The following EFNA5 variants were observed in gnomAD, a reference collection of about 807,000 sequenced individuals.
The protein encoded by EFNA5 is ephrin A5, also known as ephrin-A5.
A neutral mutation model predicts 22.9 loss-of-function variants in EFNA5; 5 were observed. That is an observed-to-expected ratio of 0.22 (90% CI 0.11 to 0.46). EFNA5 has a LOEUF of 0.46. Among genes scored for constraint, EFNA5 ranks in the 20% least tolerant of loss-of-function variants. The pLI is 0.99. For missense variants in EFNA5, 237 were observed against 293.3 expected (o/e 0.81, Z 1.40); for synonymous variants, 113 against 112.2 (o/e 1.01, Z -0.04).
chr5:107,481,125 T>G lies in EFNA5; in HGVS notation c.126-53616A>C, dbSNP rs539874892. Among the ~76,000 whole-genome samples, 16 of 152,232 alleles carry G rather than the reference T, an allele frequency of 1.1e-4. No homozygotes were observed. The South Asian group carries it at 2.9e-3, about 28-fold the overall frequency. On this transcript the variant is annotated intron_variant, in intron 1 of 4. Coordinates refer to ENST00000333274, the MANE Select transcript of EFNA5 (RefSeq NM_001962.3). ...TGTGCAGCAAGCAACAGGGTAAAGTTAGACTCTCCTGCTGACAGGCAAAAG... is the reference window on the plus strand; with the variant it reads ...TGTGCAGCAAGCAACAGGGTAAAGTGAGACTCTCCTGCTGACAGGCAAAAG...
chr5:107,523,762 T>C (rs1747642133), intron 1 of EFNA5, among the ~76,000 whole-genome samples: 1 of 152,212 alleles, frequency 6.6e-6, no homozygotes, highest in Admixed American at 6.5e-5. Context: ...AAATCAGACT[T>C]TCCTTCTTCT....
chr5:107,583,678 C>G (rs10479401), intron 1 of EFNA5, among the ~76,000 whole-genome samples: 3 of 151,960 alleles, frequency 2.0e-5, no homozygotes, highest in African/African-American at 7.3e-5. Flanking sequence ...CATAATGGGA[C>G]GTCAGCACTG....
chr5:107,492,217 C>G (rs977431463), intron 1 of EFNA5, among the ~76,000 whole-genome samples: 1 of 152,050 alleles, frequency 6.6e-6, no homozygotes, highest in Non-Finnish European at 1.5e-5. Context: ...ATTATTCAGT[C>G]TTATAAAGTT....
chr5:107,610,909 G>A (rs72791852), intron 1 of EFNA5, among the ~76,000 whole-genome samples: 2 of 152,212 alleles, frequency 1.3e-5, no homozygotes, highest in African/African-American at 2.4e-5. Flanking sequence ...CGCAGGTTTC[G>A]ATCTTTGCTA....
At position 107,598,690 on chromosome 5, in the gene EFNA5, A is replaced by C. The variant is rs554065715; in HGVS notation, c.125+71799T>G. On this transcript the variant is annotated intron_variant, in intron 1 of 4. Transcript: ENST00000333274. ...AATTCAGAATCAGAATTATGAACTC[A>C]GACCAGTATACTATGACACTAATTT... Among the ~76,000 whole-genome samples, 426 of 152,342 alleles carry C rather than the reference A, an allele frequency of 2.8e-3. 3 individuals are homozygous for C. In the Middle Eastern group the frequency reaches 0.031, roughly 11 times the overall value.
chr5:107,390,534 A>C (rs370864847), intron 2 of EFNA5, among the ~76,000 whole-genome samples: 2 of 152,274 alleles, frequency 1.3e-5, no homozygotes, highest in African/African-American at 4.8e-5. Flanking sequence ...CAATAGATAG[A>C]GCTGAGGATG....
chr5:107,448,185 C>G (rs748341303), intron 1 of EFNA5, among the ~76,000 whole-genome samples: 2 of 152,204 alleles, frequency 1.3e-5, no homozygotes, highest in African/African-American at 2.4e-5. Flanking sequence ...AGAAGACAGA[C>G]TGGATGGAGA....
chr5:107,480,072 A>G (rs1473467548), intron 1 of EFNA5, among the ~76,000 whole-genome samples: 1 of 152,216 alleles, frequency 6.6e-6, no homozygotes, highest in Non-Finnish European at 1.5e-5. Flanking sequence ...ACCTGCTTAT[A>G]TAAGTAAAAA....
chr5:107,634,003 T>A (rs1315583986), intron 1 of EFNA5, among the ~76,000 whole-genome samples: 1 of 152,172 alleles, frequency 6.6e-6, no homozygotes, highest in African/African-American at 2.4e-5. Flanking sequence ...AGAAAAGACA[T>A]AGTTTCATGT....
At chr5:107,430,597 C>T (rs1748921734) in intron 1 of EFNA5, among the ~76,000 whole-genome samples, 1 of 152,016 alleles carries the variant, frequency 6.6e-6, no homozygotes, top group Non-Finnish European at 1.5e-5. Context: ...AACTCTTACC[C>T]CTGTTAATGT....
chr5:107,653,181 G>A (rs1332938705), intron 1 of EFNA5, among the ~76,000 whole-genome samples: 6 of 152,004 alleles, frequency 3.9e-5, no homozygotes, highest in Admixed American at 2.6e-4. Context: ...ATCTCCTTGA[G>A]AAGACAGCAT....
At chr5:107,518,244 C>G (rs1011183173) in intron 1 of EFNA5, among the ~76,000 whole-genome samples, 1 of 142,400 alleles carries the variant, frequency 7.0e-6, no homozygotes, top group Non-Finnish European at 1.5e-5. Flanking sequence ...TTTGCATACA[C>G]AACTGAGTAA....
intron 1 of EFNA5, among the ~76,000 whole-genome samples, chr5:107,567,279 T>C (rs1316751590): frequency 6.6e-6 from 1 of 152,088 alleles, no homozygotes; most frequent in Non-Finnish European, 1.5e-5. Flanking sequence ...AAATAAATCT[T>C]TAAAATGCAG....
chr5:107,545,870 T>A (rs79194174), intron 1 of EFNA5, among the ~76,000 whole-genome samples: 1 of 152,212 alleles, frequency 6.6e-6, no homozygotes, highest in East Asian at 1.9e-4. Flanking sequence ...TGTGTCCTAA[T>A]GTCCTGTTGG....
At chr5:107,664,082 G>C (rs1751021637) in intron 1 of EFNA5, among the ~76,000 whole-genome samples, 1 of 152,046 alleles carries the variant, frequency 6.6e-6, no homozygotes, top group Admixed American at 6.5e-5. Context: ...TGAACTATAT[G>C]GTTTACTGTT....
At chr5:107,596,875 T>A (rs942425038) in intron 1 of EFNA5, among the ~76,000 whole-genome samples, 1 of 151,972 alleles carries the variant, frequency 6.6e-6, no homozygotes, top group African/African-American at 2.4e-5. Context: ...TAAAATGAAA[T>A]CTCATTGGCA....
intron 1 of EFNA5, among the ~76,000 whole-genome samples, chr5:107,480,931 A>G (rs1432376185): frequency 6.6e-5 from 10 of 152,218 alleles, no homozygotes; most frequent in Non-Finnish European, 1.5e-5. Flanking sequence ...ATATGACAGA[A>G]TAAATAAGAA....
At chr5:107,458,443 C>T (rs1252431506) in intron 1 of EFNA5, among the ~76,000 whole-genome samples, 1 of 151,718 alleles carries the variant, frequency 6.6e-6, no homozygotes, top group African/African-American at 2.4e-5. Context: ...AAAAGGCTTA[C>T]CCGAGTCAAA....
At chr5:107,502,563 A>T (rs1171499322) in intron 1 of EFNA5, among the ~76,000 whole-genome samples, 1 of 152,216 alleles carries the variant, frequency 6.6e-6, no homozygotes, top group Non-Finnish European at 1.5e-5. Context: ...GGCTTTTGAC[A>T]GCACATAACT....
Sources: gnomAD v4.1 joint callset for allele counts (sites outside exome capture counted in the v4.1 genomes callset) on GRCh38, gnomAD v4.1.1 for gene constraint, MANE v1.5 for transcripts, NCBI Gene and HGNC (gene_info 2026-07-23, HGNC 2026-07-21) for gene names.